The following FAM171A1 variants were observed in gnomAD, a reference collection of about 807,000 sequenced individuals.
The protein encoded by FAM171A1 is family with sequence similarity 171 member A1.
In FAM171A1, 23 loss-of-function variants were observed where a neutral mutation model predicts 74.9. The ratio of observed to expected loss-of-function variants is 0.31; its 90% CI spans 0.22 to 0.44. FAM171A1 has a LOEUF of 0.44. Among genes scored for constraint, FAM171A1 ranks in the 20% least tolerant of loss-of-function variants. The pLI is 1.00. For missense variants in FAM171A1, 1,162 were observed against 1,159.2 expected (o/e 1.00, Z -0.03); for synonymous variants, 527 against 505.7 (o/e 1.04, Z -0.57).
chr10:15,255,103 G>A (rs988870676), intron 3 of FAM171A1, among the ~76,000 whole-genome samples: 2 of 152,154 alleles, frequency 1.3e-5, no homozygotes, highest in African/African-American at 4.8e-5. Context: ...GACACAGGAT[G>A]TTATTTAGGT....
At chr10:15,276,689 A>C (rs1483851813) in intron 2 of FAM171A1, among the ~76,000 whole-genome samples, 1 of 151,784 alleles carries the variant, frequency 6.6e-6, no homozygotes, top group African/African-American at 2.4e-5. Flanking sequence ...TGTGCTTTTC[A>C]TTTTTATTTT....
chr10:15,336,884 AC>A (rs1478205939), intron 1 of FAM171A1, among the ~76,000 whole-genome samples: 2 of 149,726 alleles, frequency 1.3e-5, no homozygotes, highest in Non-Finnish European at 3.0e-5. Context: ...ATCACTGTGT[AC>A]CATGAATTTT....
At chr10:15,252,446 G>A (rs1445650540) in intron 4 of FAM171A1, among the ~76,000 whole-genome samples, 2 of 152,110 alleles carry the variant, frequency 1.3e-5, no homozygotes, top group African/African-American at 4.8e-5. Flanking sequence ...CCAAAGACAC[G>A]TCTGGTCCAG....
intron 5 of FAM171A1, among the ~76,000 whole-genome samples, chr10:15,228,839 G>A (rs1395892305): frequency 6.6e-6 from 1 of 152,214 alleles, no homozygotes; most frequent in Non-Finnish European, 1.5e-5. Context: ...TGACACAGAA[G>A]AGGAGCTGAA....
At chr10:15,237,269 C>T (rs1443532780) in intron 5 of FAM171A1, among the ~76,000 whole-genome samples, 3 of 152,142 alleles carry the variant, frequency 2.0e-5, no homozygotes, top group South Asian at 4.1e-4. Flanking sequence ...TAAAATGATA[C>T]GTTAAGAGAC....
At position 15,259,468 on chromosome 10, in the gene FAM171A1, T is replaced by A. The variant is rs189326749; in HGVS notation, c.419-4589A>T. 1.7e-4 allele frequency among the ~76,000 whole-genome samples: 26 copies of A among 152,158 alleles called. No individual in the cohort carries two copies. The East Asian group carries it at 4.4e-3, about 26-fold the overall frequency. On this transcript the variant is annotated intron_variant, in intron 3 of 7. Transcript: ENST00000378116. ...ATGATGACAAAAAAAACAACAAAAA[T>A]GAATAGACCAATATAGACCCAGACT...
At chr10:15,314,240 T>C (rs893256369) in intron 1 of FAM171A1, among the ~76,000 whole-genome samples, 2 of 151,892 alleles carry the variant, frequency 1.3e-5, no homozygotes, top group Admixed American at 6.6e-5. Context: ...CCATTGCCAC[T>C]GAGATCTTAA....
At chr10:15,366,744 C>A (rs928515394) in intron 1 of FAM171A1, among the ~76,000 whole-genome samples, 1 of 152,156 alleles carries the variant, frequency 6.6e-6, no homozygotes, top group Non-Finnish European at 1.5e-5. Context: ...TGCTGTCTAT[C>A]CAGTTTATTT....
At chr10:15,323,567 T>C (rs1835514073) in intron 1 of FAM171A1, among the ~76,000 whole-genome samples, 1 of 152,230 alleles carries the variant, frequency 6.6e-6, no homozygotes, top group African/African-American at 2.4e-5. Context: ...CAGGCAGATC[T>C]ATTCAACAAG....
intron 4 of FAM171A1, among the ~76,000 whole-genome samples, chr10:15,253,479 C>CA (rs1490045207): frequency 2.0e-5 from 3 of 152,094 alleles, no homozygotes; most frequent in African/African-American, 7.2e-5. Context: ...TCCTCATCAG[C>CA]ACACAAAAAT....
chr10:15,229,706 C>G (rs1834167732), intron 5 of FAM171A1, among the ~76,000 whole-genome samples: 1 of 140,254 alleles, frequency 7.1e-6, no homozygotes, highest in African/African-American at 2.7e-5. Flanking sequence ...TCACCATCAT[C>G]ATCATCACCA....
intron 1 of FAM171A1, among the ~76,000 whole-genome samples, chr10:15,303,885 T>C (rs1204057443): frequency 6.6e-6 from 1 of 152,180 alleles, no homozygotes; most frequent in Non-Finnish European, 1.5e-5. Flanking sequence ...AAAGTTCACG[T>C]ATGAAAGAGA....
At chr10:15,236,275 A>G (rs1350302427) in intron 5 of FAM171A1, among the ~76,000 whole-genome samples, 1 of 118,310 alleles carries the variant, frequency 8.5e-6, no homozygotes, top group Non-Finnish European at 1.7e-5. Context: ...GTCCTTTTAT[A>G]TCATGCTTCC....
At chr10:15,232,337 T>G (rs1385664966) in intron 5 of FAM171A1, among the ~76,000 whole-genome samples, 5 of 152,140 alleles carry the variant, frequency 3.3e-5, no homozygotes, top group Admixed American at 2.6e-4. Context: ...CCACCATCAC[T>G]CTGCTTAATT....
At chr10:15,325,952 A>T (rs1309415811) in intron 1 of FAM171A1, among the ~76,000 whole-genome samples, 3 of 152,172 alleles carry the variant, frequency 2.0e-5, no homozygotes, top group Non-Finnish European at 2.9e-5. Flanking sequence ...CACATTTCTG[A>T]CTGACTTCAA....
chr10:15,240,072 T>A (rs538268458), intron 5 of FAM171A1, among the ~76,000 whole-genome samples: 1 of 152,336 alleles, frequency 6.6e-6, no homozygotes, highest in Non-Finnish European at 1.5e-5. Flanking sequence ...AAAAAATTTA[T>A]TTTAGGCTGG....
chr10:15,291,593 A>G (rs1835102593), intron 1 of FAM171A1, among the ~76,000 whole-genome samples: 1 of 152,130 alleles, frequency 6.6e-6, no homozygotes, highest in Non-Finnish European at 1.5e-5. Context: ...TCCCAAGGAA[A>G]ATCTACCTGA....
rs1210455471 is a variant in FAM171A1, at chr10:15,330,351, A to G, written c.97+40605T>C. On this transcript the variant is annotated intron_variant, in intron 1 of 7. Transcript: ENST00000378116. ...AAGACTTTTTCTGAATTATTTTACC[A>G]CAGTGTCAAAATCATGATCCTCTCA... Among the ~76,000 whole-genome samples, 3 of 152,132 alleles carry G rather than the reference A, an allele frequency of 2.0e-5. 1 individual carries two copies. Among genetic ancestry groups the G allele is most frequent in the Non-Finnish European group, 4.4e-5 (3 of 68,020 alleles).
intron 5 of FAM171A1, among the ~76,000 whole-genome samples, chr10:15,243,912 G>A (rs1834396441): frequency 6.6e-6 from 1 of 151,922 alleles, no homozygotes; most frequent in Non-Finnish European, 1.5e-5. Context: ...CACCACACCC[G>A]GCTAATTTTT....
Sources: gnomAD v4.1 joint callset for allele counts (sites outside exome capture counted in the v4.1 genomes callset) on GRCh38, gnomAD v4.1.1 for gene constraint, MANE v1.5 for transcripts, NCBI Gene and HGNC (gene_info 2026-07-23, HGNC 2026-07-21) for gene names.